The following PTPRT variants were observed in gnomAD, a reference collection of about 807,000 sequenced individuals.
PTPRT encodes receptor-type tyrosine-protein phosphatase T.
A neutral mutation model predicts 176.8 loss-of-function variants in PTPRT; 56 were observed. The observed-to-expected ratio is 0.32, with a 90% CI of 0.26 to 0.40. The LOEUF is 0.40. Among genes scored for constraint, PTPRT ranks in the 10% least tolerant of loss-of-function variants. PTPRT has a pLI of 1.00. For missense variants in PTPRT, 1,540 were observed against 1,908.2 expected (o/e 0.81, Z 3.60); for synonymous variants, 783 against 739.0 (o/e 1.06, Z -0.96).
chr20:42,550,500 C>T (rs2072749061), intron 7 of PTPRT, among the ~76,000 whole-genome samples: 1 of 151,784 alleles, frequency 6.6e-6, no homozygotes, highest in Non-Finnish European at 1.5e-5. Context: ...GAATAGATAT[C>T]CCACCTCAAA....
chr20:42,065,147 A>G, the PTPRT span, among the ~76,000 whole-genome samples: 2 of 152,228 alleles, frequency 1.3e-5, no homozygotes. Flanking sequence ...CTGTAACCAC[A>G]TGAAAGACCC....
intron 11 of PTPRT, among the ~76,000 whole-genome samples, chr20:42,346,797 C>A (rs1398261149): frequency 6.6e-6 from 1 of 152,158 alleles, no homozygotes; most frequent in Non-Finnish European, 1.5e-5. Context: ...GGTCTGAAGG[C>A]CAAAGTTTCT....
intron 1 of PTPRT, among the ~76,000 whole-genome samples, chr20:43,117,548 T>A (rs548537071): frequency 6.6e-6 from 1 of 152,052 alleles, no homozygotes; most frequent in African/African-American, 2.4e-5. Context: ...GCCAGCCTGG[T>A]GAACTGAGCC....
In PTPRT at chr20:42,210,777, T is replaced by C. The variant is rs561562775; in HGVS notation, c.2343-11389A>G. Among the ~76,000 whole-genome samples the C allele has an allele frequency of 5.3e-5, 8 of 152,272 alleles. No homozygotes were observed. In the East Asian group the frequency reaches 5.8e-4, roughly 11 times the overall value. ...ATCAAGTTACCAATGACTTTCTTCA[T>C]AGAATTGGAAAAAACTACTTTAAAA... is the stretch of plus-strand genomic sequence containing the variant. On this transcript the variant is annotated intron_variant, in intron 15 of 30. Transcript: ENST00000373187.
intron 1 of PTPRT, among the ~76,000 whole-genome samples, chr20:43,134,814 C>T (rs1272132955): frequency 1.3e-5 from 2 of 152,114 alleles, no homozygotes; most frequent in East Asian, 3.8e-4. Context: ...TAATAGAATG[C>T]TGTTTATCCT....
intron 6 of PTPRT, among the ~76,000 whole-genome samples, chr20:42,709,659 G>A (rs537749838): frequency 2.6e-5 from 4 of 152,318 alleles, no homozygotes; most frequent in East Asian, 1.9e-4. Flanking sequence ...CAGGAATGGA[G>A]TGTTGCTATA....
intron 13 of PTPRT, among the ~76,000 whole-genome samples, chr20:42,261,977 G>A (rs1461058949): frequency 6.6e-6 from 1 of 152,168 alleles, no homozygotes; most frequent in Non-Finnish European, 1.5e-5. Context: ...GCAATCTATA[G>A]GAAGGATTAG....
intron 13 of PTPRT, among the ~76,000 whole-genome samples, chr20:42,252,385 T>C (rs1019383073): frequency 6.6e-5 from 10 of 152,178 alleles, no homozygotes; most frequent in African/African-American, 2.4e-4. Context: ...TGGGGGCCTG[T>C]TGGTGAAATC....
At chr20:43,139,218 T>C (rs2013926862) in intron 1 of PTPRT, among the ~76,000 whole-genome samples, 1 of 152,242 alleles carries the variant, frequency 6.6e-6, no homozygotes, top group Non-Finnish European at 1.5e-5. Context: ...CCTCCCTGTC[T>C]TGTGCTCAGT....
chr20:42,317,713 G>T (rs935314909), intron 11 of PTPRT, among the ~76,000 whole-genome samples: 4 of 152,162 alleles, frequency 2.6e-5, no homozygotes, highest in African/African-American at 7.2e-5. Flanking sequence ...ATGGAGAACT[G>T]CCCTAAGAAA....
intron 1 of PTPRT, among the ~76,000 whole-genome samples, chr20:42,960,183 TA>T (rs1981906918): frequency 6.6e-6 from 1 of 152,224 alleles, no homozygotes; most frequent in Non-Finnish European, 1.5e-5. Flanking sequence ...ACTGATTTAT[TA>T]GTCCATTTCT....
intron 9 of PTPRT, 81 bp from the exon 10 acceptor site, chr20:42,352,366 A>G (rs2058297980): frequency 7.0e-7 from 1 of 1,425,680 alleles, no homozygotes; most frequent in Non-Finnish European, 9.8e-7. Context: ...GAGGAACCTT[A>G]GGGAGGCGGG....
chr20:42,350,224 T>G (rs898784941), intron 11 of PTPRT, among the ~76,000 whole-genome samples: 39 of 25,622 alleles, frequency 1.5e-3, no homozygotes, highest in African/African-American at 4.7e-3. Context: ...GTTTTTTTTT[T>G]TTTTTTTTTT....
At chr20:42,946,483 T>C (rs4812661) in intron 1 of PTPRT, among the ~76,000 whole-genome samples, 98,763 of 152,176 alleles carry the variant, frequency 0.65, 34,668 homozygotes, top group Non-Finnish European at 0.78. Flanking sequence ...TGCTGTATTT[T>C]AAGTACAACA....
intron 1 of PTPRT, 117 bp from the exon 2 acceptor site, chr20:42,886,049 C>CTTTATATATATATATATATATA (rs58536258): frequency 9.3e-6 from 4 of 431,238 alleles, no homozygotes; most frequent in African/African-American, 9.0e-5. Context: ...AGAAGATTTT[C>CTTTATATATATATATATATATA]CATATATATA....
chr20:42,129,040 C>T (rs1288413163), intron 18 of PTPRT, among the ~76,000 whole-genome samples: 1 of 152,098 alleles, frequency 6.6e-6, no homozygotes, highest in Admixed American at 6.5e-5. Context: ...TTCTACCTTC[C>T]CTTCTGATTT....
chr20:42,122,531 T>G (rs1275319365), intron 19 of PTPRT, among the ~76,000 whole-genome samples: 2 of 152,112 alleles, frequency 1.3e-5, no homozygotes, highest in Non-Finnish European at 2.9e-5. Flanking sequence ...TTGTCTTGAG[T>G]AGCTTTGGGA....
At chr20:42,436,737 C>T (rs1315894684) in intron 9 of PTPRT, among the ~76,000 whole-genome samples, 2 of 152,180 alleles carry the variant, frequency 1.3e-5, no homozygotes, top group Non-Finnish European at 2.9e-5. Context: ...ATGCTCATTT[C>T]ATCACTGCTG....
intron 1 of PTPRT, among the ~76,000 whole-genome samples, chr20:42,977,289 T>C (rs1426146057): frequency 2.0e-5 from 3 of 152,136 alleles, no homozygotes; most frequent in Non-Finnish European, 1.5e-5. Flanking sequence ...TCCCATTTTA[T>C]AGACAAAAAG....
Sources: allele counts gnomAD v4.1 joint callset (sites outside exome capture counted in the v4.1 genomes callset), GRCh38; gene constraint gnomAD v4.1.1; transcripts MANE v1.5; gene names NCBI Gene and HGNC (gene_info 2026-07-23, HGNC 2026-07-21).